Variants in TMTC1 observed in about 807,000 individuals in gnomAD.
The protein encoded by TMTC1 is protein O-mannosyl-transferase TMTC1.
TMTC1 carries 73 observed loss-of-function variants against 104.8 expected under a neutral mutation model. That is an observed-to-expected ratio of 0.70 (90% CI 0.58 to 0.85). TMTC1 has a LOEUF of 0.85. TMTC1 is among the 40% of genes least tolerant of loss of function. The pLI, the probability that TMTC1 is intolerant of heterozygous loss-of-function variation, is 0.00. For missense variants in TMTC1, 1,035 were observed against 1,096.1 expected (o/e 0.94, Z 0.79); for synonymous variants, 434 against 428.7 (o/e 1.01, Z -0.15).
intron 5 of TMTC1, among the ~76,000 whole-genome samples, chr12:29,736,800 G>T (rs1942688455): frequency 6.6e-6 from 1 of 152,170 alleles, no homozygotes; most frequent in Non-Finnish European, 1.5e-5. Flanking sequence ...CACTGTGCTG[G>T]CATGCCCACA....
chr12:29,559,270 C>T (rs1347568), intron 9 of TMTC1, among the ~76,000 whole-genome samples: 2,456 of 152,256 alleles, frequency 0.016, 68 homozygotes, highest in African/African-American at 0.056. Context: ...TAAGACCTTC[C>T]ACCATGGGCT....
chr12:29,715,583 T>C (rs1942053046), intron 5 of TMTC1, among the ~76,000 whole-genome samples: 1 of 152,210 alleles, frequency 6.6e-6, no homozygotes, highest in East Asian at 1.9e-4. Flanking sequence ...ACTTTATATA[T>C]ATGAACTGAT....
chr12:29,694,426 A>C (rs997469183), intron 5 of TMTC1, among the ~76,000 whole-genome samples: 6 of 152,224 alleles, frequency 3.9e-5, no homozygotes, highest in Non-Finnish European at 8.8e-5. Flanking sequence ...ACATCCTCCC[A>C]TACACTTTAC....
chr12:29,703,692 C>G (rs1334734296), intron 5 of TMTC1, among the ~76,000 whole-genome samples: 1 of 152,190 alleles, frequency 6.6e-6, no homozygotes, highest in Admixed American at 6.5e-5. Context: ...AGTTCCACCC[C>G]CTGACTGTTT....
At chr12:29,675,589 TACACACAC>T (rs10605906) in intron 5 of TMTC1, among the ~76,000 whole-genome samples, 2,590 of 116,580 alleles carry the variant, frequency 0.022, 46 homozygotes, top group African/African-American at 0.05. Flanking sequence ...CACATGCAAA[TACACACAC>T]ACACACACAC....
chr12:29,603,161 T>G (rs1288269034), intron 7 of TMTC1, among the ~76,000 whole-genome samples: 2 of 152,152 alleles, frequency 1.3e-5, no homozygotes, highest in East Asian at 1.9e-4. Flanking sequence ...AGTAAACAAT[T>G]AAGGGCTGCT....
intron 10 of TMTC1, among the ~76,000 whole-genome samples, chr12:29,548,846 A>C (rs1422971942): frequency 1.1e-3 from 12 of 10,598 alleles, no homozygotes; most frequent in South Asian, 7.0e-3. Context: ...ACTTATCTAA[A>C]ATATATAATA....
At chr12:29,659,859 A>G in intron 5 of TMTC1, 2 of 1,495,752 alleles carry the variant, frequency 1.3e-6, no homozygotes. Flanking sequence ...ACCAAGTTTT[A>G]AAAAAATTAT....
At chr12:29,778,023 A>G (rs1037899689) in intron 1 of TMTC1, among the ~76,000 whole-genome samples, 1 of 152,232 alleles carries the variant, frequency 6.6e-6, no homozygotes, top group Non-Finnish European at 1.5e-5. Context: ...GATGCAAACT[A>G]CTGCAAAAAA....
intron 10 of TMTC1, among the ~76,000 whole-genome samples, chr12:29,538,653 C>G (rs1944710836): frequency 6.6e-6 from 1 of 152,118 alleles, no homozygotes; most frequent in South Asian, 2.1e-4. Context: ...GATGACCATT[C>G]AGTACAGTCT....
chr12:29,584,760 G>A (rs911549281), intron 7 of TMTC1, among the ~76,000 whole-genome samples: 15 of 151,866 alleles, frequency 9.9e-5, no homozygotes, highest in Middle Eastern at 3.4e-3. Context: ...CCCTACAAAG[G>A]ACATGAACTC....
At position 29,500,928 on chromosome 12, in the gene TMTC1, T is replaced by C. The variant is rs1943572601; in HGVS notation, c.*5918A>G. 1 of 152,338 alleles carries C rather than the reference T, an allele frequency of 6.6e-6. No individual in the cohort carries two copies. Among genetic ancestry groups the C allele is most frequent in the South Asian group, 2.1e-4 (1 of 4,828 alleles). 9.4% of individuals were successfully genotyped at this position (152,338 alleles called of 1,614,324 possible). A position where few individuals can be genotyped will look rare whatever the true frequency, so the allele number is the denominator to read the frequency against. ...GCAAAGTATACATCATTAGACTCAA[T>C]GGGAGAAATACTTTATGGAAGATAA... On this transcript the variant is annotated 3_prime_UTR_variant, in exon 18 of 18. Transcript: ENST00000539277.
chr12:29,583,345 G>A lies in TMTC1; in HGVS notation c.1418+62C>T, dbSNP rs1592270245. 3 of 1,525,806 alleles carry A rather than the reference G, an allele frequency of 2.0e-6. No individual in the cohort carries two copies. In the East Asian group the frequency reaches 7.0e-5, roughly 36 times the overall value. 94.5% of individuals were successfully genotyped at this position (1,525,806 alleles called of 1,614,324 possible). On this transcript the variant is annotated intron_variant, in intron 8 of 17. Coordinates refer to ENST00000539277, the MANE Select transcript of TMTC1 (RefSeq NM_001193451.2). Reference sequence around the variant, plus strand: ...AGGCCCATGTTACCTCATTTGTTTGGAAACAATTTGTAAGCAAAGAAATAA... The same window carrying A: ...AGGCCCATGTTACCTCATTTGTTTGAAAACAATTTGTAAGCAAAGAAATAA...
At chr12:29,542,508 C>A (rs896960247) in intron 10 of TMTC1, among the ~76,000 whole-genome samples, 1 of 152,134 alleles carries the variant, frequency 6.6e-6, no homozygotes, top group Admixed American at 6.6e-5. Context: ...TTACTTCTCT[C>A]TTAAATCAAC....
At chr12:29,525,405 C>T (rs1346248461) in intron 11 of TMTC1, among the ~76,000 whole-genome samples, 3 of 151,506 alleles carry the variant, frequency 2.0e-5, no homozygotes, top group East Asian at 1.9e-4. Flanking sequence ...AGGCTGGTCT[C>T]GAACTCCTGA....
At chr12:29,692,129 T>G (rs1941286068) in intron 5 of TMTC1, among the ~76,000 whole-genome samples, 1 of 145,548 alleles carries the variant, frequency 6.9e-6, no homozygotes, top group Non-Finnish European at 1.5e-5. Context: ...TGTGTCTTTA[T>G]TCCCCACTGA....
chr12:29,772,387 A>T (rs1048036226), intron 1 of TMTC1, among the ~76,000 whole-genome samples: 1 of 152,200 alleles, frequency 6.6e-6, no homozygotes, highest in Non-Finnish European at 1.5e-5. Flanking sequence ...TAAAGAGGAA[A>T]GTGAAATATT....
intron 5 of TMTC1, among the ~76,000 whole-genome samples, chr12:29,709,481 T>C (rs1941840003): frequency 6.6e-6 from 1 of 152,048 alleles, no homozygotes; most frequent in Non-Finnish European, 1.5e-5. Context: ...AAAAAATATT[T>C]CCACATTAAC....
At chr12:29,525,158 C>A (rs1482967481) in intron 11 of TMTC1, among the ~76,000 whole-genome samples, 1 of 46,132 alleles carries the variant, frequency 2.2e-5, no homozygotes, top group Non-Finnish European at 3.9e-5. Context: ...CAAGGGCAGT[C>A]TTTTTTTTTT....
Sources: allele counts gnomAD v4.1 joint callset (sites outside exome capture counted in the v4.1 genomes callset), GRCh38; gene constraint gnomAD v4.1.1; transcripts MANE v1.5; gene names NCBI Gene and HGNC (gene_info 2026-07-23, HGNC 2026-07-21).